Variants in PTAR1 observed in about 807,000 individuals in gnomAD.
PTAR1 encodes the protein protein prenyltransferase alpha subunit repeat-containing protein 1.
Under a neutral mutation model 45.5 loss-of-function variants are expected in PTAR1, and 17 were observed. That is an observed-to-expected ratio of 0.37 (90% CI 0.26 to 0.56). The LOEUF (loss-of-function observed/expected upper bound fraction) is 0.56, where lower values mean the gene tolerates loss of function less well. Ranked by LOEUF, PTAR1 falls within the 20% of genes least tolerant of loss-of-function variation. PTAR1 has a pLI of 0.77. For missense variants in PTAR1, 391 were observed against 476.3 expected, an observed-to-expected ratio of 0.82 and a Z score of 1.67; for synonymous variants, 169 against 171.3, an observed-to-expected ratio of 0.99 and a Z score of 0.11.
intron 4 of PTAR1, 28 bp from the exon 5 acceptor site, chr9:69,732,380 A>G (rs1459931243): frequency 5.4e-6 from 8 of 1,483,736 alleles, no homozygotes; most frequent in Non-Finnish European, 7.5e-6. Context: ...GGGAAAGAGA[A>G]CACAGAAAGA....
At chr9:69,722,648 A>G (rs552787080) in intron 6 of PTAR1, among the ~76,000 whole-genome samples, 2 of 152,054 alleles carry the variant, frequency 1.3e-5, no homozygotes, top group Admixed American at 1.3e-4. Flanking sequence ...GGGGGGAAAA[A>G]AAAAAAAGGG....
intron 3 of PTAR1, 164 bp downstream of exon 3, chr9:69,741,626 AAG>A: frequency 1.8e-6 from 1 of 564,036 alleles, no homozygotes. Flanking sequence ...ACCACACAAA[AAG>A]GGGCAAAATG....
chr9:69,751,629 A>G (rs955651846), intron 1 of PTAR1, among the ~76,000 whole-genome samples: 3 of 151,992 alleles, frequency 2.0e-5, no homozygotes, highest in African/African-American at 4.8e-5. Context: ...ATGTATTTCT[A>G]TTTTTTTAAT....
At chr9:69,755,554 G>A (rs1410639074) in intron 1 of PTAR1, among the ~76,000 whole-genome samples, 1 of 152,130 alleles carries the variant, frequency 6.6e-6, no homozygotes, top group African/African-American at 2.4e-5. Context: ...ATAGTGTGGA[G>A]CAACCAAACA....
At position 69,714,970 on chromosome 9, in the gene PTAR1, A is replaced by G. The variant is rs1444078094; in HGVS notation, c.*3372T>C. On this transcript the variant is annotated 3_prime_UTR_variant, in exon 8 of 8. Coordinates refer to ENST00000340434, the MANE Select transcript of PTAR1 (RefSeq NM_001099666.2). ...TAAAATGATATGTGCACAGGTACAG[A>G]TCAGTAAGTCACTGAAATCAAAGAA... 1 of 152,030 alleles carries G rather than the reference A, an allele frequency of 6.6e-6. No individual in the cohort carries two copies. The highest frequency in any genetic ancestry group is 1.5e-5 in the Non-Finnish European group (1 of 67,996). The allele number at this position is 152,030 out of a possible 1,614,324, so 9.4% of individuals were successfully genotyped here.
At chr9:69,747,087 T>C (rs182480310) in intron 2 of PTAR1, among the ~76,000 whole-genome samples, 6 of 152,348 alleles carry the variant, frequency 3.9e-5, no homozygotes, top group Non-Finnish European at 8.8e-5. Context: ...AAACTCTTGC[T>C]TACAAACTCT....
rs1214612175 is a variant in PTAR1, at chr9:69,717,539, A to C, written c.*803T>G. On this transcript the variant is annotated 3_prime_UTR_variant, in exon 8 of 8. Transcript: ENST00000340434. Reference sequence around the variant, plus strand: ...GGATTACATTGGAAGCATTTTTTTCATATAAATTCCAATACTTCTGACTTT... The same window carrying C: ...GGATTACATTGGAAGCATTTTTTTCCTATAAATTCCAATACTTCTGACTTT... The C allele has an allele frequency of 6.6e-6, 1 of 152,192 alleles. No homozygotes were observed. The highest frequency in any genetic ancestry group is 1.5e-5 in the Non-Finnish European group (1 of 68,028). The allele number at this position is 152,192 out of a possible 1,614,324, so 9.4% of individuals were successfully genotyped here.
intron 1 of PTAR1, among the ~76,000 whole-genome samples, chr9:69,758,931 C>A (rs143703344): frequency 1.8e-3 from 280 of 151,748 alleles, no homozygotes; most frequent in South Asian, 3.3e-3. Flanking sequence ...TGCCATGTTT[C>A]TTTTCTTTGA....
At chr9:69,751,470 G>A (rs763475640) in intron 1 of PTAR1, among the ~76,000 whole-genome samples, 1 of 152,012 alleles carries the variant, frequency 6.6e-6, no homozygotes, top group Non-Finnish European at 1.5e-5. Context: ...TGAACACAGT[G>A]TACAGCACAA....
At chr9:69,741,684 A>G (rs1026986695) in intron 3 of PTAR1, 108 bp downstream of exon 3, 3 of 697,816 alleles carry the variant, frequency 4.3e-6, no homozygotes, top group Non-Finnish European at 2.5e-6. Flanking sequence ...AGAAGAAATA[A>G]GTGTAAAATG....
At chr9:69,753,141 T>A (rs200454227) in intron 1 of PTAR1, among the ~76,000 whole-genome samples, 1 of 52,276 alleles carries the variant, frequency 1.9e-5, no homozygotes. Context: ...TTGGGGGGGA[T>A]TTTTTTTTTA....
intron 1 of PTAR1, chr9:69,758,642 C>G (rs1216645922): frequency 5.2e-6 from 2 of 382,782 alleles, no homozygotes; most frequent in East Asian, 1.6e-4. Flanking sequence ...TTGCACGTCT[C>G]CAATTGTGTG....
chr9:69,734,100 C>T (rs372149070), intron 4 of PTAR1, 50 bp downstream of exon 4: 16 of 1,043,090 alleles, frequency 1.5e-5, no homozygotes, highest in Non-Finnish European at 2.4e-5. Context: ...TTTCTTTCTC[C>T]AGCCAGTCTG....
intron 3 of PTAR1, among the ~76,000 whole-genome samples, chr9:69,740,388 G>A (rs1825988619): frequency 6.6e-6 from 1 of 151,822 alleles, no homozygotes; most frequent in Non-Finnish European, 1.5e-5. Context: ...AATAACACGT[G>A]TGTATACACA....
At chr9:69,747,297 T>C (rs1826315579) in intron 2 of PTAR1, among the ~76,000 whole-genome samples, 2 of 152,208 alleles carry the variant, frequency 1.3e-5, no homozygotes, top group Admixed American at 1.3e-4. Context: ...GGAATAATTA[T>C]TGCTTCCTGA....
chr9:69,728,185 T>C (rs1358669093), intron 5 of PTAR1, among the ~76,000 whole-genome samples: 2 of 152,186 alleles, frequency 1.3e-5, no homozygotes, highest in Non-Finnish European at 2.9e-5. Context: ...TTGTTTTCCA[T>C]TCCTCAGGTG....
intron 3 of PTAR1, among the ~76,000 whole-genome samples, chr9:69,737,089 A>ATAT (rs1554716881): frequency 9.3e-5 from 14 of 151,134 alleles, no homozygotes; most frequent in African/African-American, 3.2e-4. Flanking sequence ...AGTGCTATAT[A>ATAT]TTTTTTTTTA....
At chr9:69,755,868 G>A (rs1826751998) in intron 1 of PTAR1, among the ~76,000 whole-genome samples, 1 of 152,052 alleles carries the variant, frequency 6.6e-6, no homozygotes, top group Non-Finnish European at 1.5e-5. Context: ...CAAATTACTA[G>A]TGTTTATTGT....
chr9:69,738,410 C>T (rs1279229218), intron 3 of PTAR1, among the ~76,000 whole-genome samples: 3 of 152,150 alleles, frequency 2.0e-5, no homozygotes, highest in African/African-American at 4.8e-5. Context: ...CAGAGTTATG[C>T]TCTACCTTGT....
Sources: gnomAD v4.1 joint callset for allele counts (sites outside exome capture counted in the v4.1 genomes callset) on GRCh38, gnomAD v4.1.1 for gene constraint, MANE v1.5 for transcripts, NCBI Gene and HGNC (gene_info 2026-07-23, HGNC 2026-07-21) for gene names.